PIWIL3: variants seen among roughly 807,000 people sequenced by gnomAD.
PIWIL3 encodes piwi-like protein 3.
A neutral mutation model predicts 109.7 loss-of-function variants in PIWIL3; 101 were observed. The ratio of observed to expected loss-of-function variants is 0.92; its 90% CI spans 0.78 to 1.09. The LOEUF (loss-of-function observed/expected upper bound fraction) is 1.09, where lower values mean the gene tolerates loss of function less well. PIWIL3 is among the 50% of genes least tolerant of loss of function. The pLI is 0.00. For synonymous variants in PIWIL3, 373 were observed against 376.4 expected (o/e 0.99, Z 0.10); for missense variants, 1,031 against 1,072.6 (o/e 0.96, Z 0.54).
intron 9 of PIWIL3, among the ~76,000 whole-genome samples, chr22:24,750,448 T>C (rs1335250387): frequency 1.3e-5 from 2 of 151,826 alleles, no homozygotes; most frequent in Non-Finnish European, 2.9e-5. Context: ...TCTAGATAAG[T>C]AATATTTTCT....
chr22:24,719,725 A>G, intron 20 of PIWIL3, 23 bp downstream of exon 20: 2 of 1,597,130 alleles, frequency 1.3e-6, no homozygotes, highest in African/African-American at 1.3e-5. Flanking sequence ...AATCTGAAGA[A>G]AAAAGTAACA....
intron 4 of PIWIL3, 62 bp from the exon 5 acceptor site, chr22:24,756,767 T>C: frequency 7.1e-7 from 1 of 1,407,376 alleles, no homozygotes; most frequent in Non-Finnish European, 9.9e-7. Context: ...ACAAACAGTT[T>C]GGACACTACA....
At chr22:24,770,410 C>A (rs886155966) in intron 1 of PIWIL3, among the ~76,000 whole-genome samples, 1 of 152,110 alleles carries the variant, frequency 6.6e-6, no homozygotes, top group Non-Finnish European at 1.5e-5. Context: ...GTAGCCTTAG[C>A]CTTGAAATGT....
chr22:24,757,898 A>T lies in PIWIL3; in HGVS notation c.355+10T>A. 1.3e-6 allele frequency: 2 copies of T among 1,591,022 alleles called. No individual in the cohort carries two copies. Among genetic ancestry groups the T allele is most frequent in the Non-Finnish European group, 1.7e-6 (2 of 1,174,006 alleles). ...CAGCTCCATAAACATTGAGTTCTAG[A>T]CCAACATACCTGTTTTTGAGTCTTT... On this transcript the variant is annotated intron_variant, in intron 4 of 20. Transcript: ENST00000616349.
intron 19 of PIWIL3, 53 bp from the exon 20 acceptor site, chr22:24,719,948 G>GT (rs1922564723): frequency 7.0e-7 from 1 of 1,419,290 alleles, no homozygotes; most frequent in East Asian, 2.3e-5. Context: ...AGGGTATATA[G>GT]TAAACTTAAT....
chr22:24,744,298 T>A (rs1299715353), intron 12 of PIWIL3, among the ~76,000 whole-genome samples: 1 of 147,758 alleles, frequency 6.8e-6, no homozygotes, highest in Non-Finnish European at 1.5e-5. Context: ...AAAGGCCAGG[T>A]GCGGTGGCTC....
intron 8 of PIWIL3, among the ~76,000 whole-genome samples, chr22:24,752,079 A>G (rs1394271262): frequency 6.6e-6 from 1 of 152,000 alleles, no homozygotes; most frequent in Non-Finnish European, 1.5e-5. Context: ...TCTCTTGTGT[A>G]TTTAAGTAGG....
At chr22:24,728,468 T>A in intron 14 of PIWIL3, 94 bp from the exon 15 acceptor site, 1 of 1,443,564 alleles carries the variant, frequency 6.9e-7, no homozygotes, top group Non-Finnish European at 9.6e-7. Context: ...GGTGGAAGAC[T>A]AACAAGCTAG....
chr22:24,738,776 G>A (rs963930892), intron 12 of PIWIL3, among the ~76,000 whole-genome samples: 3 of 152,230 alleles, frequency 2.0e-5, no homozygotes, highest in African/African-American at 2.4e-5. Flanking sequence ...CCCAGATGGC[G>A]AAGAGAACAA....
In PIWIL3 at chr22:24,749,639, G is replaced by C. The variant is rs1225680269; in HGVS notation, c.1216+54C>G. The stretch of plus-strand genomic sequence containing the variant: ...ACCCTTCGAATTCCCTGAAAAGCCT[G>C]CGTTAAGTCGTAATTATACCTGACT... On this transcript the variant is annotated intron_variant, in intron 10 of 20. Transcript: ENST00000616349. 3.1e-6 allele frequency: 5 copies of C among 1,613,178 alleles called. No individual in the cohort carries two copies. The African/African-American group carries it at 5.3e-5, about 17-fold the overall frequency.
intron 12 of PIWIL3, among the ~76,000 whole-genome samples, chr22:24,740,473 G>A (rs1473707368): frequency 2.7e-5 from 4 of 150,476 alleles, no homozygotes; most frequent in East Asian, 2.0e-4. Context: ...GCATGAACCC[G>A]GGAGGCAGAG....
At chr22:24,756,761 A>C in intron 4 of PIWIL3, 56 bp from the exon 5 acceptor site, 2 of 1,408,740 alleles carry the variant, frequency 1.4e-6, no homozygotes, top group Non-Finnish European at 2.0e-6. Flanking sequence ...CCCAAAACAA[A>C]CAGTTTGGAC....
chr22:24,751,539 T>C, intron 8 of PIWIL3, 41 bp from the exon 9 acceptor site: 1 of 1,596,642 alleles, frequency 6.3e-7, no homozygotes, highest in South Asian at 1.1e-5. Context: ...GACTTATTCA[T>C]CACATGGAAC....
chr22:24,758,325 G>A (rs1379612377), intron 3 of PIWIL3, among the ~76,000 whole-genome samples: 1 of 152,104 alleles, frequency 6.6e-6, no homozygotes, highest in African/African-American at 2.4e-5. Flanking sequence ...AGAAACTTTG[G>A]TTCTGTCTTT....
At position 24,770,676 on chromosome 22, in the gene PIWIL3, AAAAC is replaced by A. The variant is rs1479707658; in HGVS notation, c.-23+3642_-23+3645del. ...CGTCTCTACTAAAAAAAAAAAAAAA[AAAAC>A]AAAAATTAGCCGGGCATGGTGGCAG... On this transcript the variant is annotated intron_variant, in intron 1 of 20. Coordinates refer to ENST00000616349, the MANE Select transcript of PIWIL3 (RefSeq NM_001255975.1). Among the ~76,000 whole-genome samples the A allele has an allele frequency of 2.3e-3, 319 of 137,630 alleles. 3 individuals are homozygous for A. The highest frequency in any genetic ancestry group is 8.3e-3 in the African/African-American group (311 of 37,540). 90.3% of individuals were successfully genotyped at this position (137,630 alleles called of 152,430 possible).
chr22:24,724,841 G>C lies in PIWIL3; in HGVS notation c.2231+46C>G. 5 of 1,577,740 alleles carry C rather than the reference G, an allele frequency of 3.2e-6. No homozygotes were observed. In the South Asian group the frequency reaches 4.6e-5, roughly 14 times the overall value. ...CCCACCTTAACCTTCCAAAGTGCTG[G>C]GATTACAGGCATGAGTCACTACACA... On this transcript the variant is annotated intron_variant, in intron 18 of 20. Transcript: ENST00000616349.
At chr22:24,762,594 C>A in intron 1 of PIWIL3, 73 bp from the exon 2 acceptor site, 2 of 1,217,474 alleles carry the variant, frequency 1.6e-6, no homozygotes, top group East Asian at 2.6e-5. Context: ...GTTGCTACAA[C>A]AGAATATCTG....
intron 1 of PIWIL3, among the ~76,000 whole-genome samples, chr22:24,764,717 A>G (rs943763113): frequency 4.1e-5 from 6 of 147,176 alleles, no homozygotes; most frequent in African/African-American, 1.0e-4. Context: ...CAACAATGCA[A>G]TCTCCACTCA....
At chr22:24,722,086 TTTTG>T (rs1922705673) in intron 19 of PIWIL3, among the ~76,000 whole-genome samples, 1 of 152,076 alleles carries the variant, frequency 6.6e-6, no homozygotes, top group Non-Finnish European at 1.5e-5. Context: ...GCTGTTTTAT[TTTTG>T]TTTTTGTTTT....
Sources: gnomAD v4.1 joint callset for allele counts (sites outside exome capture counted in the v4.1 genomes callset) on GRCh38, gnomAD v4.1.1 for gene constraint, MANE v1.5 for transcripts, NCBI Gene and HGNC (gene_info 2026-07-23, HGNC 2026-07-21) for gene names.